UBE3C: variants seen among roughly 807,000 people sequenced by gnomAD.
The protein encoded by UBE3C is ubiquitin protein ligase E3C.
Under a neutral mutation model 129.4 loss-of-function variants are expected in UBE3C, and 42 were observed. That is an observed-to-expected ratio of 0.32 (90% confidence interval 0.25 to 0.42). The LOEUF (loss-of-function observed/expected upper bound fraction) is 0.42, where lower values mean the gene tolerates loss of function less well. Among genes scored for constraint, UBE3C ranks in the 10% least tolerant of loss-of-function variants. The pLI is 1.00. For missense variants in UBE3C, 1,049 were observed against 1,319.1 expected, an observed-to-expected ratio of 0.80 and a Z score of 3.17; for synonymous variants, 510 against 492.4, an observed-to-expected ratio of 1.04 and a Z score of -0.47.
At chr7:157,218,722 G>A (rs1795651405) in intron 14 of UBE3C, among the ~76,000 whole-genome samples, 1 of 152,084 alleles carries the variant, frequency 6.6e-6, no homozygotes, top group African/African-American at 2.4e-5. Flanking sequence ...CTGCAAGATG[G>A]GTGTGGAGTG....
At chr7:157,179,192 T>TA (rs1808604732) in intron 6 of UBE3C, among the ~76,000 whole-genome samples, 1 of 152,100 alleles carries the variant, frequency 6.6e-6, no homozygotes, top group South Asian at 2.1e-4. Context: ...GAAGGGCTCT[T>TA]ACCACCTCCT....
At chr7:157,184,245 A>G (rs753810727) in intron 9 of UBE3C, among the ~76,000 whole-genome samples, 5 of 152,178 alleles carry the variant, frequency 3.3e-5, no homozygotes, top group African/African-American at 1.2e-4. Context: ...ATGGAGACAC[A>G]TAGCTTTGTG....
intron 15 of UBE3C, chr7:157,221,203 C>G (rs1455434468): frequency 6.1e-6 from 1 of 164,720 alleles, no homozygotes; most frequent in Non-Finnish European, 1.3e-5. Context: ...TCTGGGAATA[C>G]GAGTACAGCT....
intron 4 of UBE3C, among the ~76,000 whole-genome samples, chr7:157,172,781 T>TA (rs1274189312): frequency 6.6e-6 from 1 of 152,214 alleles, no homozygotes; most frequent in African/African-American, 2.4e-5. Context: ...TGGCCTCACA[T>TA]ACTCTAATCT....
At chr7:157,154,325 A>G (rs1807843933) in intron 1 of UBE3C, among the ~76,000 whole-genome samples, 1 of 152,138 alleles carries the variant, frequency 6.6e-6, no homozygotes, top group East Asian at 1.9e-4. Flanking sequence ...TCTAAAAAAA[A>G]AAGATAAAAG....
At position 157,201,140 on chromosome 7, in the gene UBE3C, G is replaced by A. The variant is rs1427896087; in HGVS notation, c.1332-581G>A. 3.3e-5 allele frequency among the ~76,000 whole-genome samples: 5 copies of A among 151,640 alleles called. No homozygotes were observed. The East Asian group carries it at 5.8e-4, about 18-fold the overall frequency. ...GGAGTTCAAGACCAGCCTGGCCAAC[G>A]TTGTGAAACCTCATCTCTACTAAAA... On this transcript the variant is annotated intron_variant, in intron 10 of 22. Transcript: ENST00000348165.
chr7:157,177,949 A>T (rs2116910362), intron 5 of UBE3C, among the ~76,000 whole-genome samples: 1 of 151,848 alleles, frequency 6.6e-6, no homozygotes, highest in African/African-American at 2.4e-5. Context: ...TTTTTTAAGA[A>T]AAAGGAAAAA....
chr7:157,225,822 G>GC (rs965606711), intron 17 of UBE3C, among the ~76,000 whole-genome samples: 1 of 152,058 alleles, frequency 6.6e-6, no homozygotes, highest in Non-Finnish European at 1.5e-5. Context: ...GTGTTAGCGT[G>GC]CCCCTGTTGT....
At chr7:157,173,934 T>C (rs1808446987) in intron 4 of UBE3C, among the ~76,000 whole-genome samples, 1 of 152,252 alleles carries the variant, frequency 6.6e-6, no homozygotes, top group Admixed American at 6.5e-5. Flanking sequence ...TAATTTATTA[T>C]GCAGAGTGCT....
At chr7:157,151,984 C>T (rs139514178) in intron 1 of UBE3C, among the ~76,000 whole-genome samples, 174 of 152,286 alleles carry the variant, frequency 1.1e-3, no homozygotes, top group African/African-American at 3.9e-3. Flanking sequence ...ATCCTATTTC[C>T]AGAACCCCAA....
rs142791799 is a variant in UBE3C at position 157,220,827 on chromosome 7, A to C, written c.2002+51A>C. 2.4e-4 allele frequency: 387 copies of C among 1,583,728 alleles called. 7 individuals carry two copies. The South Asian group carries it at 3.9e-3, about 16-fold the overall frequency. On this transcript the variant is annotated intron_variant, in intron 15 of 22. Transcript: ENST00000348165. The stretch of plus-strand genomic sequence containing the variant: ...CTGAGGTATGAATTACATGCTGTCA[A>C]ATTCACTCCTTTAATCTACAGATCT...
chr7:157,180,270 A>G (rs145728471), intron 6 of UBE3C, among the ~76,000 whole-genome samples: 1 of 152,320 alleles, frequency 6.6e-6, no homozygotes, highest in African/African-American at 2.4e-5. Context: ...AACCTTTGTC[A>G]TGTTGTCAGT....
At chr7:157,241,442 A>G (rs1040954613) in intron 18 of UBE3C, among the ~76,000 whole-genome samples, 5 of 152,226 alleles carry the variant, frequency 3.3e-5, no homozygotes, top group African/African-American at 1.2e-4. Context: ...GCAGCAAGCA[A>G]ATGGGCCATT....
At chr7:157,170,200 C>T in intron 3 of UBE3C, 104 bp from the exon 4 acceptor site, 1 of 1,046,146 alleles carries the variant, frequency 9.6e-7, no homozygotes, top group Non-Finnish European at 1.2e-6. Flanking sequence ...TTTTCGTTGT[C>T]AATTTCCACC....
chr7:157,170,354 C>CG lies in UBE3C; in HGVS notation c.251dup (p.Ala85ArgfsTer6). On this transcript the variant is annotated frameshift_variant, in exon 4 of 23. Coordinates refer to ENST00000348165, the MANE Select transcript of UBE3C (RefSeq NM_014671.3). LOFTEE classifies it high-confidence loss of function. ...ATCGCTGTGCTACCTTGTCACAGTC[C>CG]GGGGGCGCTTTTCCCATTGCTAATG... The CG allele has an allele frequency of 6.3e-7, 1 of 1,576,882 alleles. No individual in the cohort carries two copies.
At chr7:157,221,170 G>C (rs1795725912) in intron 15 of UBE3C, 1 of 169,462 alleles carries the variant, frequency 5.9e-6, no homozygotes. Flanking sequence ...TTGGTTGAAA[G>C]ACATTTGGTT....
intron 1 of UBE3C, among the ~76,000 whole-genome samples, chr7:157,153,885 C>T (rs774637757): frequency 6.6e-5 from 10 of 151,836 alleles, no homozygotes; most frequent in East Asian, 1.9e-4. Flanking sequence ...TTCAGTTACT[C>T]GGGAGGCTGA....
In UBE3C at chr7:157,224,565, CTT is replaced by C. The variant is rs1289130226; in HGVS notation, c.2101-840_2101-839del. On this transcript the variant is annotated intron_variant, in intron 16 of 22. Coordinates refer to ENST00000348165, the MANE Select transcript of UBE3C (RefSeq NM_014671.3). ...TGTCTGGTGTCTTTGATGTACAAAA[CTT>C]TGTTTATATATGTTTCCAAATTTTA... Among the ~76,000 whole-genome samples the C allele has an allele frequency of 3.9e-5, 6 of 152,266 alleles. No homozygotes were observed. In the East Asian group the frequency reaches 1.2e-3, roughly 29 times the overall value.
intron 10 of UBE3C, chr7:157,198,246 C>A: frequency 7.8e-7 from 1 of 1,284,028 alleles, no homozygotes; most frequent in Non-Finnish European, 1.1e-6. Context: ...GTATCCTCCA[C>A]CTGTAAATGA....
Sources: allele counts gnomAD v4.1 joint callset (sites outside exome capture counted in the v4.1 genomes callset), GRCh38; gene constraint gnomAD v4.1.1; transcripts MANE v1.5; gene names NCBI Gene and HGNC (gene_info 2026-07-23, HGNC 2026-07-21).